The following CDK14 variants were observed in gnomAD, a reference collection of about 807,000 sequenced individuals.
CDK14 encodes the protein cyclin dependent kinase 14.
Under a neutral mutation model 60.7 loss-of-function variants are expected in CDK14, and 34 were observed. The ratio of observed to expected loss-of-function variants is 0.56; its 90% confidence interval spans 0.43 to 0.75. The LOEUF is 0.75. Among genes scored for constraint, CDK14 ranks in the 30% least tolerant of loss-of-function variants. The pLI is 0.00. For missense variants in CDK14, 482 were observed against 564.1 expected (o/e 0.85, Z 1.47); for synonymous variants, 197 against 203.7 (o/e 0.97, Z 0.28).
chr7:90,987,636 A>G (rs896271101), intron 10 of CDK14, among the ~76,000 whole-genome samples: 1 of 152,124 alleles, frequency 6.6e-6, no homozygotes, highest in African/African-American at 2.4e-5. Context: ...TATTAGCTAT[A>G]TTATCACACA....
At chr7:90,733,797 C>T (rs1303969584) in intron 3 of CDK14, among the ~76,000 whole-genome samples, 3 of 152,146 alleles carry the variant, frequency 2.0e-5, no homozygotes, top group Non-Finnish European at 4.4e-5. Flanking sequence ...GGGCATTTGA[C>T]CTATTTACAT....
intron 2 of CDK14, among the ~76,000 whole-genome samples, chr7:90,614,265 A>G (rs1441450608): frequency 6.6e-6 from 1 of 152,158 alleles, no homozygotes; most frequent in Admixed American, 6.5e-5. Flanking sequence ...TTGGCCTCCC[A>G]AAGTGCTGGG....
At chr7:90,839,675 A>T (rs577474546) in intron 5 of CDK14, among the ~76,000 whole-genome samples, 1 of 152,352 alleles carries the variant, frequency 6.6e-6, no homozygotes, top group Non-Finnish European at 1.5e-5. Context: ...ACTTCTTCCA[A>T]ATGGTATCAT....
intron 2 of CDK14, among the ~76,000 whole-genome samples, chr7:90,640,207 T>C (rs1297782120): frequency 6.6e-6 from 1 of 152,118 alleles, no homozygotes; most frequent in African/African-American, 2.4e-5. Flanking sequence ...ACCCGTCTTC[T>C]GCGTGGCTCA....
At chr7:90,863,075 A>G (rs1233312451) in intron 5 of CDK14, 100 bp from the exon 6 acceptor site, 1 of 572,072 alleles carries the variant, frequency 1.7e-6, no homozygotes, top group Non-Finnish European at 3.1e-6. Flanking sequence ...ACATGTGAAA[A>G]TAGATATCTC....
At chr7:90,647,508 A>G (rs1800494326) in intron 2 of CDK14, among the ~76,000 whole-genome samples, 2 of 77,334 alleles carry the variant, frequency 2.6e-5, no homozygotes, top group Admixed American at 1.6e-4. Context: ...TTATTTTTTT[A>G]TCTTTTTTTT....
intron 2 of CDK14, among the ~76,000 whole-genome samples, chr7:90,640,429 A>T (rs1206572307): frequency 6.6e-6 from 1 of 152,164 alleles, no homozygotes; most frequent in Non-Finnish European, 1.5e-5. Context: ...AAATTTTATG[A>T]TGCAGAGAAA....
At chr7:90,653,742 A>G (rs1346344559) in intron 2 of CDK14, among the ~76,000 whole-genome samples, 2 of 152,148 alleles carry the variant, frequency 1.3e-5, no homozygotes, top group African/African-American at 4.8e-5. Flanking sequence ...ATATGTATAC[A>G]TGTGCCATGT....
intron 2 of CDK14, among the ~76,000 whole-genome samples, chr7:90,714,062 T>A (rs1186737720): frequency 6.6e-6 from 1 of 152,126 alleles, no homozygotes; most frequent in African/African-American, 2.4e-5. Context: ...AGCTGCATTA[T>A]ATCTTGCCCA....
chr7:90,842,419 A>C (rs180714705), intron 5 of CDK14, among the ~76,000 whole-genome samples: 4 of 152,336 alleles, frequency 2.6e-5, no homozygotes, highest in Admixed American at 2.6e-4. Context: ...GGCAGTGAGA[A>C]TGTGCACCAG....
At chr7:90,813,647 G>A (rs1020191764) in intron 5 of CDK14, among the ~76,000 whole-genome samples, 2 of 152,098 alleles carry the variant, frequency 1.3e-5, no homozygotes, top group Admixed American at 1.3e-4. Context: ...TACTTGGGAG[G>A]CTGAGACAGA....
intron 10 of CDK14, among the ~76,000 whole-genome samples, chr7:91,010,302 G>C (rs145478377): frequency 2.6e-4 from 39 of 152,076 alleles, no homozygotes; most frequent in African/African-American, 8.7e-4. Context: ...CAAAAAAAAA[G>C]CCTGCTTGGT....
chr7:90,777,330 T>A (rs1805092112), intron 4 of CDK14, among the ~76,000 whole-genome samples: 1 of 152,146 alleles, frequency 6.6e-6, no homozygotes, highest in Non-Finnish European at 1.5e-5. Context: ...AGCTTTCAAC[T>A]ATGAGGACAC....
chr7:90,786,291 C>T (rs1225520183), intron 4 of CDK14, among the ~76,000 whole-genome samples: 1 of 152,166 alleles, frequency 6.6e-6, no homozygotes, highest in Non-Finnish European at 1.5e-5. Context: ...GAATTAACGT[C>T]TCCACTGGCA....
intron 10 of CDK14, among the ~76,000 whole-genome samples, chr7:91,014,501 TTA>T (rs1419974356): frequency 6.6e-6 from 1 of 152,162 alleles, no homozygotes; most frequent in African/African-American, 2.4e-5. Context: ...ATAAATGAGT[TTA>T]GAGTTACCAA....
chr7:90,808,601 A>G (rs955981522), intron 5 of CDK14, among the ~76,000 whole-genome samples: 1 of 152,208 alleles, frequency 6.6e-6, no homozygotes, highest in Non-Finnish European at 1.5e-5. Context: ...GACAGGATCA[A>G]ATTCACACAT....
chr7:90,862,904 G>A (rs1033001842), intron 5 of CDK14, among the ~76,000 whole-genome samples: 8 of 152,080 alleles, frequency 5.3e-5, no homozygotes, highest in African/African-American at 1.9e-4. Flanking sequence ...TTCTGGCCAG[G>A]CACTGTGTTA....
At chr7:90,630,881 G>A (rs976037017) in intron 2 of CDK14, among the ~76,000 whole-genome samples, 1 of 78,836 alleles carries the variant, frequency 1.3e-5, no homozygotes, top group Non-Finnish European at 2.5e-5. Context: ...TACATCTTGG[G>A]GTGTGTATGT....
chr7:90,975,951 C>A (rs1377612238), intron 9 of CDK14, among the ~76,000 whole-genome samples: 1 of 152,094 alleles, frequency 6.6e-6, no homozygotes, highest in African/African-American at 2.4e-5. Flanking sequence ...TGTTGAACAC[C>A]TAGCTTCATT....
Sources: allele counts gnomAD v4.1 joint callset (sites outside exome capture counted in the v4.1 genomes callset), GRCh38; gene constraint gnomAD v4.1.1; transcripts MANE v1.5; gene names NCBI Gene and HGNC (gene_info 2026-07-23, HGNC 2026-07-21).